ADAMTS17: variants seen among roughly 807,000 people sequenced by gnomAD.
The protein encoded by ADAMTS17 is A disintegrin and metalloproteinase with thrombospondin motifs 17.
In ADAMTS17, 113 loss-of-function variants were observed where a neutral mutation model predicts 141.5. The observed-to-expected ratio is 0.80, with a 90% confidence interval of 0.69 to 0.93. The LOEUF (loss-of-function observed/expected upper bound fraction) is 0.93. ADAMTS17 is among the 40% of genes least tolerant of loss of function. The probability of loss-of-function intolerance (pLI) is 0.00; values close to 1 mark genes in which losing one functional copy is unlikely to be tolerated. For missense variants in ADAMTS17, 1,659 were observed against 1,517.9 expected, an observed-to-expected ratio of 1.09 and a Z score of -1.54; for synonymous variants, 768 against 630.6, an observed-to-expected ratio of 1.22 and a Z score of -3.27.
chr15:100,247,525 G>T (rs1376198976), intron 7 of ADAMTS17, among the ~76,000 whole-genome samples: 1 of 152,220 alleles, frequency 6.6e-6, no homozygotes, highest in Non-Finnish European at 1.5e-5. Flanking sequence ...AACCAGTGAG[G>T]ACGCCAGGGC....
intron 3 of ADAMTS17, among the ~76,000 whole-genome samples, chr15:100,295,447 A>G (rs950001864): frequency 2.6e-5 from 4 of 152,132 alleles, no homozygotes; most frequent in Admixed American, 1.3e-4. Context: ...GGACAACCAT[A>G]CAGGACAACT....
intron 4 of ADAMTS17, among the ~76,000 whole-genome samples, chr15:100,266,100 G>A (rs1403287506): frequency 6.6e-6 from 1 of 152,126 alleles, no homozygotes; most frequent in African/African-American, 2.4e-5. Context: ...AACAGCTCAG[G>A]TTTTTCATTC....
intron 7 of ADAMTS17, among the ~76,000 whole-genome samples, chr15:100,234,171 G>A (rs2042581187): frequency 1.3e-5 from 2 of 152,162 alleles, no homozygotes; most frequent in African/African-American, 4.8e-5. Context: ...TATTTTGAAG[G>A]TGGAGTGGAC....
chr15:100,333,118 G>A (rs2046104419), intron 2 of ADAMTS17, among the ~76,000 whole-genome samples: 1 of 152,040 alleles, frequency 6.6e-6, no homozygotes, highest in African/African-American at 2.4e-5. Context: ...CTCTCTCCCT[G>A]ACCTCTCTTC....
At chr15:100,083,120 G>A (rs1020041841) in intron 15 of ADAMTS17, among the ~76,000 whole-genome samples, 2 of 152,186 alleles carry the variant, frequency 1.3e-5, no homozygotes, top group Non-Finnish European at 2.9e-5. Context: ...AAATGTAAGT[G>A]AAAATGAGGT....
chr15:100,181,391 C>T (rs1372310339), intron 8 of ADAMTS17, among the ~76,000 whole-genome samples: 3 of 152,144 alleles, frequency 2.0e-5, no homozygotes, highest in Non-Finnish European at 4.4e-5. Flanking sequence ...AGTCTCTTAC[C>T]ATAGCCACCA....
chr15:100,117,872 GA>G (rs2037237553), intron 12 of ADAMTS17, among the ~76,000 whole-genome samples: 1 of 152,198 alleles, frequency 6.6e-6, no homozygotes, highest in South Asian at 2.1e-4. Flanking sequence ...ATGAAAGAAA[GA>G]AAAGGGCACA....
chr15:99,980,866 G>A (rs1388448311), intron 20 of ADAMTS17: 1 of 152,184 alleles, frequency 6.6e-6, no homozygotes, highest in Non-Finnish European at 1.5e-5. Flanking sequence ...AAAGGTCTTA[G>A]TCTTGTGCAG....
intron 20 of ADAMTS17, among the ~76,000 whole-genome samples, chr15:99,984,982 A>G (rs1422679187): frequency 6.6e-6 from 1 of 152,242 alleles, no homozygotes; most frequent in Non-Finnish European, 1.5e-5. Flanking sequence ...CCTTTGGACC[A>G]TTCGGCATGG....
At chr15:100,218,763 A>C (rs2042043583) in intron 7 of ADAMTS17, among the ~76,000 whole-genome samples, 1 of 152,164 alleles carries the variant, frequency 6.6e-6, no homozygotes, top group African/African-American at 2.4e-5. Context: ...TCCCCATAAA[A>C]ACTCAAACAT....
intron 16 of ADAMTS17, among the ~76,000 whole-genome samples, chr15:100,052,090 C>G (rs573041006): frequency 6.6e-6 from 1 of 152,260 alleles, no homozygotes. Context: ...TGCATGCTCA[C>G]CCACAAAGCT....
intron 8 of ADAMTS17, among the ~76,000 whole-genome samples, chr15:100,188,519 C>T (rs1227082554): frequency 6.6e-6 from 1 of 152,192 alleles, no homozygotes; most frequent in East Asian, 1.9e-4. Flanking sequence ...ACGTGGAAAA[C>T]CCCCATTTCA....
At chr15:100,155,018 C>G (rs2039364678) in intron 9 of ADAMTS17, among the ~76,000 whole-genome samples, 162 bp downstream of exon 9, 1 of 152,240 alleles carries the variant, frequency 6.6e-6, no homozygotes, top group African/African-American at 2.4e-5. Flanking sequence ...GGGAGATGTC[C>G]TTGCCATTAT....
chr15:100,116,132 TAAAAAAAAAA>T (rs34003703), intron 13 of ADAMTS17, among the ~76,000 whole-genome samples: 1 of 84,790 alleles, frequency 1.2e-5, no homozygotes, highest in African/African-American at 4.7e-5. Context: ...CAGTTTTAGG[TAAAAAAAAAA>T]AAAAAAAAAA....
chr15:100,155,063 A>G, intron 9 of ADAMTS17, 117 bp downstream of exon 9: 1 of 1,506,966 alleles, frequency 6.6e-7, no homozygotes, highest in Non-Finnish European at 9.1e-7. Context: ...CTGAGGCTAG[A>G]TGCAAATCCC....
chr15:100,052,692 G>A (rs940564558), intron 16 of ADAMTS17, among the ~76,000 whole-genome samples: 1 of 152,176 alleles, frequency 6.6e-6, no homozygotes, highest in African/African-American at 2.4e-5. Flanking sequence ...CTCAGAATAG[G>A]AGGATTTGTT....
intron 8 of ADAMTS17, 24 bp from the exon 9 acceptor site, chr15:100,155,344 G>C (rs375135569): frequency 6.2e-7 from 1 of 1,608,732 alleles, no homozygotes; most frequent in East Asian, 2.2e-5. Context: ...AGGAGAGAGG[G>C]ATGCTTATGC....
At chr15:100,091,902 GT>G (rs777797998) in intron 15 of ADAMTS17, among the ~76,000 whole-genome samples, 23 of 152,108 alleles carry the variant, frequency 1.5e-4, no homozygotes, top group South Asian at 4.1e-4. Context: ...CCTAATGGTG[GT>G]TCCTGGGTCT....
intron 3 of ADAMTS17, among the ~76,000 whole-genome samples, chr15:100,305,447 G>A (rs988230722): frequency 3.9e-5 from 6 of 152,188 alleles, no homozygotes; most frequent in East Asian, 1.9e-4. Flanking sequence ...AAATTCCAAC[G>A]ACAAGAGCGC....
Sources: gnomAD v4.1 joint callset for allele counts (sites outside exome capture counted in the v4.1 genomes callset) on GRCh38, gnomAD v4.1.1 for gene constraint, MANE v1.5 for transcripts, NCBI Gene and HGNC (gene_info 2026-07-23, HGNC 2026-07-21) for gene names.